DCAF1: variants seen among roughly 807,000 people sequenced by gnomAD.
The protein encoded by DCAF1 is DDB1- and CUL4-associated factor 1.
Under a neutral mutation model 128.0 loss-of-function variants are expected in DCAF1, and 15 were observed. That is an observed-to-expected ratio of 0.12 (90% confidence interval 0.08 to 0.18). DCAF1 has a LOEUF of 0.18. Among genes scored for constraint, DCAF1 ranks in the 10% least tolerant of loss-of-function variants. The pLI is 1.00. For missense variants in DCAF1, 988 were observed against 1,649.5 expected (o/e 0.60, Z 6.95); for synonymous variants, 610 against 603.0 (o/e 1.01, Z -0.17).
chr3:51,495,121 G>A (rs1042360325), intron 2 of DCAF1, among the ~76,000 whole-genome samples: 9 of 151,872 alleles, frequency 5.9e-5, no homozygotes, highest in Non-Finnish European at 8.8e-5. Flanking sequence ...TCAGGAGCTC[G>A]AGACCAGCCT....
chr3:51,412,455 T>C lies in DCAF1; in HGVS notation c.4136A>G (p.Asn1379Ser). ...IENQGSMDAL[N>S]MDTVCRLYEV... Reference sequence around the variant, plus strand: ...ATACAGCCTGCATACTGTGTCCATGTTCAGGGCATCCATGCTGCCTTGATT... The same window carrying C: ...ATACAGCCTGCATACTGTGTCCATGCTCAGGGCATCCATGCTGCCTTGATT... The change falls in exon 23 of 25, where the codon AAC (asparagine) becomes AGC (serine). Residue 1379 changes from asparagine to serine, a missense_variant. By Grantham distance (46) the Asn-to-Ser change is conservative. Coordinates refer to ENST00000684031, the MANE Select transcript of DCAF1 (RefSeq NM_001387579.1). 1 of 1,614,010 alleles carries C rather than the reference T, an allele frequency of 6.2e-7. No homozygotes were observed. Among genetic ancestry groups the C allele is most frequent in the Non-Finnish European group, 8.5e-7 (1 of 1,179,878 alleles).
intron 2 of DCAF1, among the ~76,000 whole-genome samples, chr3:51,494,501 T>C (rs1708026210): frequency 6.6e-6 from 1 of 152,124 alleles, no homozygotes; most frequent in South Asian, 2.1e-4. Context: ...ACGCCACTGA[T>C]TTGTACACTT....
intron 22 of DCAF1, 36 bp downstream of exon 22, chr3:51,412,957 G>C (rs1304207313): frequency 1.2e-6 from 2 of 1,611,336 alleles, no homozygotes; most frequent in Non-Finnish European, 1.7e-6. Flanking sequence ...CTAAACATCA[G>C]AACAAAAGAG....
chr3:51,431,141 T>C (rs1358641434), intron 10 of DCAF1, among the ~76,000 whole-genome samples: 1 of 152,068 alleles, frequency 6.6e-6, no homozygotes, highest in East Asian at 1.9e-4. Context: ...GACTCCAGCA[T>C]AGGCGACAGA....
chr3:51,451,179 C>G (rs1434781449), intron 6 of DCAF1, among the ~76,000 whole-genome samples: 1 of 137,030 alleles, frequency 7.3e-6, no homozygotes, highest in Admixed American at 7.9e-5. Flanking sequence ...ACCTCGAACT[C>G]CTGCGCTGAA....
chr3:51,416,131 T>C (rs1027824599), intron 18 of DCAF1, among the ~76,000 whole-genome samples: 2 of 152,082 alleles, frequency 1.3e-5, no homozygotes, highest in African/African-American at 4.8e-5. Flanking sequence ...TCCACTCATG[T>C]ATCCTCTACT....
chr3:51,498,852 C>A (rs1708524043), intron 1 of DCAF1, among the ~76,000 whole-genome samples: 1 of 152,076 alleles, frequency 6.6e-6, no homozygotes, highest in South Asian at 2.1e-4. Context: ...AAGGTAAACT[C>A]CAGTAAGCTG....
intron 1 of DCAF1, among the ~76,000 whole-genome samples, chr3:51,499,127 G>A (rs902013282): frequency 2.6e-5 from 4 of 152,230 alleles, no homozygotes; most frequent in African/African-American, 2.4e-5. Context: ...TGCCACCGCA[G>A]TAAGAGGAAA....
Position 51,403,173 on chromosome 3 carries a change from C to T in DCAF1, c.4435G>A (p.Asp1479Asn). The change falls in exon 24 of 25, where the codon GAT (aspartate) becomes AAT (asparagine). Residue 1479 changes from aspartate to asparagine, a missense_variant. Asp to Asn is a conservative substitution (Grantham distance 23). Coordinates refer to ENST00000684031, the MANE Select transcript of DCAF1 (RefSeq NM_001387579.1). Reference sequence around the variant, plus strand: ...CCCAGGATCAGTTCCACCTCCTCATCTGCATCAGAGTCTTCATCCTCCCCG... The same window carrying T: ...CCCAGGATCAGTTCCACCTCCTCATTTGCATCAGAGTCTTCATCCTCCCCG... ...EDGEDEDSDA[D>N]EEVELILGDT... is the part of the protein sequence containing the mutation. The T allele has an allele frequency of 1.9e-6, 3 of 1,613,856 alleles. No homozygotes were observed. The highest frequency in any genetic ancestry group is 2.5e-6 in the Non-Finnish European group (3 of 1,179,796).
At chr3:51,421,526 G>A (rs551522186) in intron 14 of DCAF1, among the ~76,000 whole-genome samples, 1 of 152,236 alleles carries the variant, frequency 6.6e-6, no homozygotes, top group African/African-American at 2.4e-5. Context: ...CAAAGTTTTG[G>A]GATTACAGGT....
Position 51,487,278 on chromosome 3 carries a change from C to G in DCAF1, c.-8-3442G>C, listed in dbSNP as rs148390851. On this transcript the variant is annotated intron_variant, in intron 2 of 24. Transcript: ENST00000684031. ...AGCCACTGTGCCCAGCCAAAACAAA[C>G]TTTTTATGTGGAGTAATTTTAGATT... Among the ~76,000 whole-genome samples, 60 of 152,240 alleles carry G rather than the reference C, an allele frequency of 3.9e-4. No homozygotes were observed. In the East Asian group the frequency reaches 0.011, roughly 28 times the overall value.
intron 3 of DCAF1, among the ~76,000 whole-genome samples, chr3:51,476,919 TA>T (rs1245772136): frequency 1.3e-5 from 2 of 149,390 alleles, no homozygotes; most frequent in Non-Finnish European, 3.0e-5. Flanking sequence ...CTGTCTCTAT[TA>T]AAAAAAACAC....
chr3:51,422,322 T>C lies in DCAF1; in HGVS notation c.1957A>G (p.Thr653Ala), dbSNP rs782655448. ...TACAACCTACCTACAGTAGAGACTG[T>C]AGATCCAGCCTCATCCAACACGTCC... The part of the protein sequence containing the change: ...SVDVLDEAGS[T>A]VSTVGISIIL... Residue 653 changes from threonine (T) to alanine (A), a missense_variant, in exon 14 of 25, where the codon ACA becomes GCA. Thr to Ala is a moderately conservative substitution (Grantham distance 58, BLOSUM62 0). This residue lies in a region of DCAF1 where 185 missense variants were observed against 248.1 expected (regional missense o/e 0.75). Coordinates refer to ENST00000684031, the MANE Select transcript of DCAF1 (RefSeq NM_001387579.1). The C allele has an allele frequency of 3.9e-6, 3 of 766,516 alleles. No homozygotes were observed. The highest frequency in any genetic ancestry group is 3.5e-5 in the Admixed American group (2 of 56,786). 47.5% of individuals were successfully genotyped at this position (766,516 alleles called of 1,614,324 possible).
Position 51,398,544 on chromosome 3 carries a change from G to A in DCAF1, c.*225C>T, listed in dbSNP as rs993978286. The stretch of plus-strand genomic sequence containing the variant: ...AAATGGTGGGGGGTGGATGTGGGGG[G>A]TGCAGAGTAGGGCCTAGTCCCTGTT... On this transcript the variant is annotated 3_prime_UTR_variant, in exon 25 of 25. Transcript: ENST00000684031. The A allele has an allele frequency of 3.7e-6, 2 of 536,416 alleles. No individual in the cohort carries two copies. Among genetic ancestry groups the A allele is most frequent in the Admixed American group, 3.5e-5 (1 of 28,674 alleles). 33.2% of individuals were successfully genotyped at this position (536,416 alleles called of 1,614,324 possible). A position where few individuals can be genotyped will look rare whatever the true frequency, so the allele number is the denominator to read the frequency against.
intron 9 of DCAF1, among the ~76,000 whole-genome samples, chr3:51,438,638 G>A (rs782816123): frequency 2.0e-5 from 3 of 152,144 alleles, no homozygotes; most frequent in Non-Finnish European, 2.9e-5. Context: ...TTACAATGTT[G>A]TTCGCTGTTA....
intron 6 of DCAF1, among the ~76,000 whole-genome samples, chr3:51,446,899 G>T (rs1701905443): frequency 6.7e-6 from 1 of 150,256 alleles, no homozygotes; most frequent in Non-Finnish European, 1.5e-5. Flanking sequence ...GGTGGAGATT[G>T]CAGTGAGCTG....
intron 6 of DCAF1, among the ~76,000 whole-genome samples, chr3:51,458,721 ACCACAGTG>A (rs1311371521): frequency 1.3e-5 from 2 of 152,302 alleles, no homozygotes; most frequent in East Asian, 3.9e-4. Context: ...TGTCTCTCAG[ACCACAGTG>A]CAATCAAACT....
chr3:51,484,475 A>G (rs770522958), intron 2 of DCAF1, among the ~76,000 whole-genome samples: 6 of 151,936 alleles, frequency 3.9e-5, no homozygotes, highest in Non-Finnish European at 7.4e-5. Context: ...TCCGTCTCAA[A>G]AAGAAAAAAA....
At chr3:51,465,060 A>G (rs114421588) in intron 5 of DCAF1, among the ~76,000 whole-genome samples, 158 of 152,342 alleles carry the variant, frequency 1.0e-3, no homozygotes, top group Non-Finnish European at 1.8e-3. Context: ...AGAGGAGGAC[A>G]AGACAAGAAG....
Sources: gnomAD v4.1 joint callset for allele counts (sites outside exome capture counted in the v4.1 genomes callset) on GRCh38, gnomAD v4.1.1 for gene constraint, gnomAD v4.1.1 regional missense constraint, MANE v1.5 for transcripts, NCBI Gene and HGNC (gene_info 2026-07-23, HGNC 2026-07-21) for gene names.